CTPS1: variants seen among roughly 807,000 people sequenced by gnomAD.
The protein encoded by CTPS1 is CTP synthetase 1.
A neutral mutation model predicts 80.5 loss-of-function variants in CTPS1; 25 were observed. The observed-to-expected ratio is 0.31, with a 90% CI of 0.23 to 0.43. CTPS1 has a LOEUF of 0.43. Ranked by LOEUF, CTPS1 falls within the 20% of genes least tolerant of loss-of-function variation. The probability of loss-of-function intolerance (pLI) is 1.00; values close to 1 mark genes in which losing one functional copy is unlikely to be tolerated. For missense variants in CTPS1, 442 were observed against 725.7 expected (o/e 0.61, Z 4.49); for synonymous variants, 267 against 252.5 (o/e 1.06, Z -0.54).
At chr1:40,993,930 C>T (rs891708072) in intron 7 of CTPS1, among the ~76,000 whole-genome samples, 12 of 152,076 alleles carry the variant, frequency 7.9e-5, no homozygotes, top group African/African-American at 2.9e-4. Context: ...AGGCATGCAC[C>T]ACCACACCTG....
At chr1:41,002,384 G>T in intron 11 of CTPS1, 130 bp downstream of exon 11, 1 of 718,934 alleles carries the variant, frequency 1.4e-6, no homozygotes. Context: ...AGCTCAAGTA[G>T]AAGCCTTCAT....
At position 40,991,974 on chromosome 1, in the gene CTPS1, C is replaced by T. The variant is rs1642621367; in HGVS notation, c.720+129C>T. 7.2e-6 allele frequency: 5 copies of T among 697,278 alleles called. No homozygotes were observed. In the Admixed American group the frequency reaches 1.1e-4, roughly 16 times the overall value. 43.2% of individuals were successfully genotyped at this position (697,278 alleles called of 1,614,324 possible). A position where few individuals can be genotyped will look rare whatever the true frequency, so the allele number is the denominator to read the frequency against. ...TGGGCTGTTCCAGAAGAACCCATTG[C>T]CATCGGCCATTCCCTGCCTCTCCTG... On this transcript the variant is annotated intron_variant, in intron 7 of 18. Transcript: ENST00000650070.
chr1:40,991,334 G>T, intron 6 of CTPS1, 86 bp downstream of exon 6: 2 of 1,065,522 alleles, frequency 1.9e-6, no homozygotes, highest in African/African-American at 1.6e-5. Flanking sequence ...CCTTTGTCTT[G>T]TTGGGTTGCT....
At position 41,008,798 on chromosome 1, in the gene CTPS1, A is replaced by G. The variant is rs1256913133; in HGVS notation, c.1454A>G (p.Asn485Ser). Reference protein sequence around the residue: ...EERHRHRFEVNPVWKKCLEEQ... With the variant: ...EERHRHRFEVSPVWKKCLEEQ... ...TTATTTTTCATGCCTCAACAGGTGAATCCAGTCTGGAAAAAGTGTTTGGAA... is the reference window on the plus strand; with the variant it reads ...TTATTTTTCATGCCTCAACAGGTGAGTCCAGTCTGGAAAAAGTGTTTGGAA... The change falls in exon 16 of 19, where the codon AAT becomes AGT. Residue 485 changes from asparagine to serine, a missense_variant. By Grantham distance (46) the Asn-to-Ser change is conservative. Around this residue, in one of 4 missense-constraint regions of CTPS1, gnomAD observed 321 missense variants for 467.2 expected, o/e 0.69. Coordinates refer to ENST00000650070, the MANE Select transcript of CTPS1 (RefSeq NM_001905.4). The G allele has an allele frequency of 5.6e-6, 9 of 1,614,164 alleles. No homozygotes were observed. Among genetic ancestry groups the G allele is most frequent in the Admixed American group, 1.7e-5 (1 of 60,022 alleles).
At position 41,001,079 on chromosome 1, in the gene CTPS1, G is replaced by A. The variant is rs1195136777; in HGVS notation, c.1056G>A (p.Val352=). ...LEPITSQEEP[V]RYHEAWQKLC... The stretch of plus-strand genomic sequence containing the variant: ...CCATCACCTCGCAAGAAGAGCCCGT[G>A]CGCTACCACGAAGCTTGGCAGAAGC... Residue 352 remains valine (V), a synonymous_variant, in exon 10 of 19, where the codon GTG becomes GTA. Coordinates refer to ENST00000650070, the MANE Select transcript of CTPS1 (RefSeq NM_001905.4). 6.2e-7 allele frequency: 1 copy of A among 1,612,666 alleles called. No individual in the cohort carries two copies. Among genetic ancestry groups the A allele is most frequent in the Admixed American group, 1.7e-5 (1 of 59,582 alleles).
At chr1:41,005,565 A>G (rs1643013014) in intron 12 of CTPS1, among the ~76,000 whole-genome samples, 1 of 152,110 alleles carries the variant, frequency 6.6e-6, no homozygotes, top group African/African-American at 2.4e-5. Context: ...AGTTATACTT[A>G]ACGTAAAAAA....
intron 1 of CTPS1, among the ~76,000 whole-genome samples, chr1:40,981,455 A>G (rs1246421895): frequency 3.9e-5 from 6 of 152,244 alleles, no homozygotes; most frequent in Non-Finnish European, 8.8e-5. Context: ...AGGAATTTCT[A>G]GGATCATCCA....
In CTPS1 at chr1:40,987,380, C is replaced by T; in HGVS notation, c.346C>T (p.His116Tyr). Residue 116 changes from histidine to tyrosine, a missense_variant, in exon 4 of 19, where the codon CAT becomes TAT. His to Tyr is a moderately conservative substitution (Grantham distance 83). Transcript: ENST00000650070. ...YLGKTVQVVP[H>Y]ITDAIQEWVM... ...TGTTTTCTTTTTCCCAGTTGTCCCT[C>T]ATATCACAGATGCAATCCAGGAGTG... 6.2e-7 allele frequency: 1 copy of T among 1,613,006 alleles called. No homozygotes were observed.
Position 41,008,866 on chromosome 1 carries a change from A to G in CTPS1, c.1522A>G (p.Arg508Gly). The part of the protein sequence containing the change: ...KFVGQDVEGE[R>G]MEIVELEDHP... The stretch of plus-strand genomic sequence containing the variant: ...TGTTGGCCAAGATGTTGAAGGAGAG[A>G]GAATGGAAATTGTGGAGTTAGAAGG... The change falls in exon 16 of 19, where the codon AGA becomes GGA. Residue 508 changes from arginine to glycine, a missense_variant. Coordinates refer to ENST00000650070, the MANE Select transcript of CTPS1 (RefSeq NM_001905.4). 6.2e-7 allele frequency: 1 copy of G among 1,613,980 alleles called. No individual in the cohort carries two copies.
chr1:41,002,598 A>G (rs1642929644), intron 11 of CTPS1, among the ~76,000 whole-genome samples: 1 of 152,248 alleles, frequency 6.6e-6, no homozygotes, highest in Non-Finnish European at 1.5e-5. Flanking sequence ...ATGATTTTGC[A>G]TGCCTCCTGG....
intron 12 of CTPS1, among the ~76,000 whole-genome samples, chr1:41,005,058 G>A (rs920037617): frequency 4.6e-5 from 7 of 152,178 alleles, no homozygotes; most frequent in Non-Finnish European, 1.0e-4. Flanking sequence ...GAATTCTGGA[G>A]GTGTAGGTTG....
intron 3 of CTPS1, among the ~76,000 whole-genome samples, chr1:40,986,052 C>T (rs1012897655): frequency 2.0e-5 from 3 of 152,220 alleles, no homozygotes; most frequent in African/African-American, 7.2e-5. Flanking sequence ...TGCAGTCAGA[C>T]CCTCACTGGT....
At position 41,001,117 on chromosome 1, in the gene CTPS1, A is replaced by G. The variant is rs1411078565; in HGVS notation, c.1094A>G (p.His365Arg). 1 of 1,601,744 alleles carries G rather than the reference A, an allele frequency of 6.2e-7. No individual in the cohort carries two copies. Among genetic ancestry groups the G allele is most frequent in the Non-Finnish European group, 8.5e-7 (1 of 1,176,404 alleles). ...HEAWQKLCSA[H>R]GVLVPGGFGV... ...GCTTGGCAGAAGCTCTGTAGTGCTC[A>G]GTGAGTAGAGTTCGCTGCCTTGGGT... Residue 365 changes from histidine to arginine, a missense_variant and splice_region_variant, in exon 10 of 19, where the codon CAT (histidine) becomes CGT (arginine). His to Arg is a conservative substitution (Grantham distance 29). This residue lies in a region of CTPS1 where 321 missense variants were observed against 467.2 expected (regional missense o/e 0.69). Coordinates refer to ENST00000650070, the MANE Select transcript of CTPS1 (RefSeq NM_001905.4).
chr1:40,996,178 A>G, intron 8 of CTPS1, 110 bp downstream of exon 8: 1 of 1,177,212 alleles, frequency 8.5e-7, no homozygotes, highest in Admixed American at 2.0e-5. Context: ...TCTGCCATCC[A>G]CTCATTAGAA....
intron 7 of CTPS1, among the ~76,000 whole-genome samples, chr1:40,993,768 TTC>T (rs1209753590): frequency 7.0e-6 from 1 of 143,508 alleles, no homozygotes; most frequent in Admixed American, 7.8e-5. Flanking sequence ...TTTCATTTTC[TTC>T]TCTCTTTTTT....
At chr1:40,981,347 C>CT (rs1369133309) in intron 1 of CTPS1, 3 of 152,026 alleles carry the variant, frequency 2.0e-5, no homozygotes, top group African/African-American at 7.3e-5. Flanking sequence ...AACTAAAGAA[C>CT]GTAAAGAGAG....
At chr1:40,987,045 C>T (rs561347506) in intron 3 of CTPS1, among the ~76,000 whole-genome samples, 1 of 152,298 alleles carries the variant, frequency 6.6e-6, no homozygotes, top group South Asian at 2.1e-4. Context: ...CTACCTTCAG[C>T]TGTGAGCAAT....
intron 6 of CTPS1, among the ~76,000 whole-genome samples, chr1:40,991,501 C>G (rs1256793992): frequency 6.6e-6 from 1 of 152,176 alleles, no homozygotes; most frequent in African/African-American, 2.4e-5. Context: ...CTTGGGAACA[C>G]TAATGGAGGA....
At position 40,992,935 on chromosome 1, in the gene CTPS1, C is replaced by G. The variant is rs1321855500; in HGVS notation, c.720+1090C>G. Among the ~76,000 whole-genome samples, 3 of 152,008 alleles carry G rather than the reference C, an allele frequency of 2.0e-5. No individual in the cohort carries two copies. In the East Asian group the frequency reaches 5.8e-4, roughly 29 times the overall value. On this transcript the variant is annotated intron_variant, in intron 7 of 18. Coordinates refer to ENST00000650070, the MANE Select transcript of CTPS1 (RefSeq NM_001905.4). ...TCTCAAAGTCCTGACCTCAGGTGAT[C>G]CACCTGCCTCAGCCTCCCAAAGTGC...
Sources: gnomAD v4.1 joint callset for allele counts (sites outside exome capture counted in the v4.1 genomes callset) on GRCh38, gnomAD v4.1.1 for gene constraint, gnomAD v4.1.1 regional missense constraint, MANE v1.5 for transcripts, NCBI Gene and HGNC (gene_info 2026-07-23, HGNC 2026-07-21) for gene names.